The following PEX5L variants were observed in gnomAD, a reference collection of about 807,000 sequenced individuals.
PEX5L encodes the protein PEX5-related protein.
A neutral mutation model predicts 84.0 loss-of-function variants in PEX5L; 30 were observed. The ratio of observed to expected loss-of-function variants is 0.36; its 90% CI spans 0.27 to 0.48. The LOEUF (loss-of-function observed/expected upper bound fraction) is 0.48, where lower values mean the gene tolerates loss of function less well. PEX5L is among the 20% of genes least tolerant of loss of function. PEX5L has a pLI of 0.99. For missense variants in PEX5L, 533 were observed against 754.6 expected (o/e 0.71, Z 3.44); for synonymous variants, 270 against 283.1 (o/e 0.95, Z 0.46).
chr3:179,826,592 T>C (rs1157166784), intron 8 of PEX5L, among the ~76,000 whole-genome samples: 1 of 152,118 alleles, frequency 6.6e-6, no homozygotes, highest in Non-Finnish European at 1.5e-5. Flanking sequence ...ACCATGGGCA[T>C]GAGGAGATGG....
intron 2 of PEX5L, among the ~76,000 whole-genome samples, chr3:179,953,073 C>T (rs993202905): frequency 3.3e-5 from 5 of 151,720 alleles, no homozygotes; most frequent in Non-Finnish European, 2.9e-5. Flanking sequence ...AACTGAACCC[C>T]TTCCTTACCC....
chr3:179,973,337 T>G, intron 1 of PEX5L: 1 of 1,236,520 alleles, frequency 8.1e-7, no homozygotes, highest in Non-Finnish European at 1.0e-6. Flanking sequence ...GGAACAGCAT[T>G]AATAATGTAC....
chr3:179,899,007 T>C (rs921014550), intron 2 of PEX5L, among the ~76,000 whole-genome samples: 3 of 152,086 alleles, frequency 2.0e-5, no homozygotes, highest in African/African-American at 7.2e-5. Context: ...TATATCTCTC[T>C]ATATATCTAT....
At chr3:179,956,452 C>G (rs1353104747) in intron 2 of PEX5L, among the ~76,000 whole-genome samples, 1 of 152,076 alleles carries the variant, frequency 6.6e-6, no homozygotes, top group African/African-American at 2.4e-5. Flanking sequence ...TTAGTGGTAA[C>G]CACTTCATAC....
chr3:179,942,509 C>T (rs1016630702), intron 2 of PEX5L, among the ~76,000 whole-genome samples: 2 of 152,236 alleles, frequency 1.3e-5, no homozygotes, highest in Non-Finnish European at 2.9e-5. Context: ...GCAGTGGCAC[C>T]GGTAGGCACT....
rs529089007 is a variant in PEX5L at position 180,002,818 on chromosome 3, A to G, written c.22-31153T>C. Among the ~76,000 whole-genome samples, 3 of 152,300 alleles carry G rather than the reference A, an allele frequency of 2.0e-5. No individual in the cohort carries two copies. In the East Asian group the frequency reaches 5.8e-4, roughly 29 times the overall value. The stretch of plus-strand genomic sequence containing the variant: ...AGAGAAGACTGAGATAATGGCAAAT[A>G]TAATAAACCTCTTCCTTGCAGAAAA... On this transcript the variant is annotated intron_variant, in intron 1 of 14. Transcript: ENST00000467460.
intron 1 of PEX5L, among the ~76,000 whole-genome samples, chr3:180,021,822 G>A (rs561550524): frequency 2.6e-5 from 4 of 152,138 alleles, no homozygotes; most frequent in Non-Finnish European, 5.9e-5. Context: ...TTGAGGATGA[G>A]CATAGATGCT....
intron 5 of PEX5L, among the ~76,000 whole-genome samples, chr3:179,876,292 G>C (rs970193309): frequency 2.0e-5 from 3 of 151,922 alleles, no homozygotes; most frequent in Admixed American, 2.0e-4. Flanking sequence ...TCAGCAGTTC[G>C]ACACCAGCCT....
chr3:180,014,451 G>A (rs1047667214), intron 1 of PEX5L, among the ~76,000 whole-genome samples: 1 of 149,900 alleles, frequency 6.7e-6, no homozygotes, highest in Admixed American at 6.6e-5. Flanking sequence ...CAGCCTGGGT[G>A]ACAGAGCGAG....
At chr3:180,030,248 A>T (rs1791331107) in intron 1 of PEX5L, among the ~76,000 whole-genome samples, 1 of 152,086 alleles carries the variant, frequency 6.6e-6, no homozygotes, top group African/African-American at 2.4e-5. Context: ...CACAAGGCAT[A>T]ATGTCTTGGA....
At chr3:180,004,062 C>A (rs1312524872) in intron 1 of PEX5L, among the ~76,000 whole-genome samples, 2 of 152,128 alleles carry the variant, frequency 1.3e-5, no homozygotes, top group African/African-American at 4.8e-5. Context: ...TTTGGAACAG[C>A]CTTTTCAATT....
chr3:179,978,437 A>C (rs1786015516), intron 1 of PEX5L, among the ~76,000 whole-genome samples: 1 of 152,188 alleles, frequency 6.6e-6, no homozygotes, highest in Non-Finnish European at 1.5e-5. Context: ...GTATTTTATC[A>C]TGAAAATTTC....
At position 179,869,511 on chromosome 3, in the gene PEX5L, T is replaced by C. The variant is rs142747966; in HGVS notation, c.726+4816A>G. Among the ~76,000 whole-genome samples the C allele has an allele frequency of 3.5e-4, 54 of 152,332 alleles. No individual in the cohort carries two copies. In the East Asian group the frequency reaches 9.8e-3, roughly 28 times the overall value. On this transcript the variant is annotated intron_variant, in intron 7 of 14. Coordinates refer to ENST00000467460, the MANE Select transcript of PEX5L (RefSeq NM_016559.3). ...TCCAGTCACTCTGATTAGTGTATTGTTGGGGCTCAGAAAAATGGTACCCCA... is the reference window on the plus strand; with the variant it reads ...TCCAGTCACTCTGATTAGTGTATTGCTGGGGCTCAGAAAAATGGTACCCCA...
intron 1 of PEX5L, among the ~76,000 whole-genome samples, chr3:179,985,259 A>C (rs958539618): frequency 6.6e-6 from 1 of 152,222 alleles, no homozygotes. Context: ...TAGCATAACA[A>C]CATAACTCTG....
At chr3:179,989,708 AG>A (rs1787206727) in intron 1 of PEX5L, among the ~76,000 whole-genome samples, 1 of 152,214 alleles carries the variant, frequency 6.6e-6, no homozygotes, top group Non-Finnish European at 1.5e-5. Context: ...GATTGAGAAT[AG>A]TGGCTTATTC....
At chr3:179,989,766 G>T (rs1006161932) in intron 1 of PEX5L, among the ~76,000 whole-genome samples, 6 of 152,122 alleles carry the variant, frequency 3.9e-5, no homozygotes, top group African/African-American at 1.4e-4. Flanking sequence ...TATCAAAAGA[G>T]TAGTCACCTA....
intron 4 of PEX5L, among the ~76,000 whole-genome samples, chr3:179,884,124 A>C (rs1169418522): frequency 1.3e-5 from 2 of 152,236 alleles, no homozygotes; most frequent in Non-Finnish European, 2.9e-5. Context: ...GGCAATATTA[A>C]GTAACTTGTC....
At position 179,991,067 on chromosome 3, in the gene PEX5L, G is replaced by T. The variant is rs544931850; in HGVS notation, c.22-19402C>A. On this transcript the variant is annotated intron_variant, in intron 1 of 14. Transcript: ENST00000467460. ...ACACTTAGGAACCACCACACTCCTT[G>T]CATTCTACATGTATTCCTGAGTGTA... Among the ~76,000 whole-genome samples the T allele has an allele frequency of 2.0e-5, 3 of 152,250 alleles. No homozygotes were observed. In the South Asian group the frequency reaches 6.2e-4, roughly 32 times the overall value.
At chr3:179,951,250 G>A (rs1779010226) in intron 2 of PEX5L, among the ~76,000 whole-genome samples, 2 of 152,272 alleles carry the variant, frequency 1.3e-5, no homozygotes, top group Non-Finnish European at 2.9e-5. Flanking sequence ...TTGTCAGTTT[G>A]AGTGTGATCA....
Sources: gnomAD v4.1 joint callset for allele counts (sites outside exome capture counted in the v4.1 genomes callset) on GRCh38, gnomAD v4.1.1 for gene constraint, MANE v1.5 for transcripts, NCBI Gene and HGNC (gene_info 2026-07-23, HGNC 2026-07-21) for gene names.